PRKACB: variants seen among roughly 807,000 people sequenced by gnomAD.
PRKACB encodes the protein cAMP-dependent protein kinase catalytic subunit beta.
In PRKACB, 16 loss-of-function variants were observed where a neutral mutation model predicts 51.4. The ratio of observed to expected loss-of-function variants is 0.31; its 90% CI spans 0.21 to 0.47. The LOEUF (loss-of-function observed/expected upper bound fraction) is 0.47. Ranked by LOEUF, PRKACB falls within the 20% of genes least tolerant of loss-of-function variation. The probability of loss-of-function intolerance (pLI) is 1.00; values close to 1 mark genes in which losing one functional copy is unlikely to be tolerated. For synonymous variants in PRKACB, 147 were observed against 154.4 expected (o/e 0.95, Z 0.35); for missense variants, 309 against 464.5 (o/e 0.67, Z 3.08).
At chr1:84,137,352 C>T (rs1191255579) in intron 1 of PRKACB, among the ~76,000 whole-genome samples, 1 of 152,082 alleles carries the variant, frequency 6.6e-6, no homozygotes, top group Non-Finnish European at 1.5e-5. Flanking sequence ...AAAGGCAAAA[C>T]TCACCAGTGG....
chr1:84,210,747 T>C (rs1010924670), intron 8 of PRKACB, among the ~76,000 whole-genome samples: 2 of 152,170 alleles, frequency 1.3e-5, no homozygotes, highest in African/African-American at 4.8e-5. Flanking sequence ...TGTCTCCAGG[T>C]TGATGTATTA....
rs375945713 is a variant in PRKACB, at chr1:84,160,663, A to G, written c.187+16115A>G. ...TTAAAGCTATGAATTTTTTTTCTAA[A>G]CCTGCTTTATCTACCTCCAATAAAT... is the stretch of plus-strand genomic sequence containing the variant. On this transcript the variant is annotated intron_variant, in intron 1 of 9. Coordinates refer to ENST00000370685, the MANE Select transcript of PRKACB (RefSeq NM_182948.4). Among the ~76,000 whole-genome samples, 87 of 150,088 alleles carry G rather than the reference A, an allele frequency of 5.8e-4. 1 individual carries two copies. The South Asian group carries it at 0.018, about 31-fold the overall frequency.
chr1:84,154,016 G>A (rs1055930898), intron 1 of PRKACB, among the ~76,000 whole-genome samples: 1 of 151,964 alleles, frequency 6.6e-6, no homozygotes, highest in Non-Finnish European at 1.5e-5. Context: ...TTTTCTCCAG[G>A]TCTTAACCAG....
At chr1:84,107,068 G>C (rs989671269) in intron 1 of PRKACB, among the ~76,000 whole-genome samples, 2 of 151,960 alleles carry the variant, frequency 1.3e-5, no homozygotes, top group African/African-American at 4.8e-5. Flanking sequence ...AAAATAATCT[G>C]TACACCACAC....
intron 1 of PRKACB, among the ~76,000 whole-genome samples, chr1:84,107,003 A>G (rs970841981): frequency 6.6e-6 from 1 of 152,036 alleles, no homozygotes; most frequent in Admixed American, 6.6e-5. Flanking sequence ...AGGAAAACAA[A>G]TGAACAAACA....
At chr1:84,173,409 A>C in intron 1 of PRKACB, 1 of 1,350,516 alleles carries the variant, frequency 7.4e-7, no homozygotes, top group Admixed American at 2.1e-5. Flanking sequence ...TCGTAAGCTA[A>C]ATTTTTATGA....
chr1:84,104,945 G>C (rs1649615967), intron 1 of PRKACB, among the ~76,000 whole-genome samples: 1 of 152,052 alleles, frequency 6.6e-6, no homozygotes, highest in Admixed American at 6.6e-5. Context: ...CTTAATTCTA[G>C]AGTAATTATA....
chr1:84,169,891 A>G (rs369944985), intron 1 of PRKACB, among the ~76,000 whole-genome samples: 96 of 151,772 alleles, frequency 6.3e-4, no homozygotes, highest in African/African-American at 2.2e-3. Flanking sequence ...CTTACAATCT[A>G]ACATGAAGCT....
chr1:84,186,225 G>A (rs910935243), intron 5 of PRKACB, among the ~76,000 whole-genome samples: 1 of 5,624 alleles, frequency 1.8e-4, no homozygotes, highest in Non-Finnish European at 2.2e-3. Context: ...GTTTGTTTTT[G>A]GTTTTTTTTT....
At chr1:84,159,896 T>C (rs1655975112) in intron 1 of PRKACB, among the ~76,000 whole-genome samples, 1 of 152,174 alleles carries the variant, frequency 6.6e-6, no homozygotes, top group African/African-American at 2.4e-5. Flanking sequence ...ATTTTCAATG[T>C]TGAACCAACC....
intron 5 of PRKACB, among the ~76,000 whole-genome samples, chr1:84,187,635 G>A (rs750300135): frequency 7.9e-5 from 12 of 152,094 alleles, no homozygotes; most frequent in South Asian, 2.1e-4. Flanking sequence ...AAGAAAGTTC[G>A]ATTGGAGGAA....
At chr1:84,165,390 T>G (rs1657076540) in intron 1 of PRKACB, among the ~76,000 whole-genome samples, 1 of 151,820 alleles carries the variant, frequency 6.6e-6, no homozygotes, top group Admixed American at 6.6e-5. Flanking sequence ...GCTTTGTCAT[T>G]CCTAATGCTA....
At chr1:84,097,078 C>G (rs903443236) in intron 1 of PRKACB, among the ~76,000 whole-genome samples, 53 of 152,090 alleles carry the variant, frequency 3.5e-4, no homozygotes, top group African/African-American at 1.3e-3. Context: ...GGGTTCTTTA[C>G]TTTTTGTTAA....
At chr1:84,180,044 A>G (rs1325679537) in intron 2 of PRKACB, among the ~76,000 whole-genome samples, 1 of 136,048 alleles carries the variant, frequency 7.4e-6, no homozygotes, top group East Asian at 2.1e-4. Context: ...GAACATAAAG[A>G]CCAAAAAAAA....
At chr1:84,181,668 A>G (rs528822231) in intron 2 of PRKACB, 5 of 1,508,480 alleles carry the variant, frequency 3.3e-6, no homozygotes, top group Middle Eastern at 1.7e-4. Flanking sequence ...TCATGCTGCT[A>G]CTATCTAGTT....
chr1:84,083,537 G>A (rs1304206045), intron 1 of PRKACB, among the ~76,000 whole-genome samples: 1 of 152,218 alleles, frequency 6.6e-6, no homozygotes, highest in African/African-American at 2.4e-5. Context: ...GAAGCAGCAC[G>A]TGAGAAGGTC....
At chr1:84,119,337 T>C (rs1362224361) in intron 1 of PRKACB, among the ~76,000 whole-genome samples, 3 of 152,160 alleles carry the variant, frequency 2.0e-5, no homozygotes, top group Non-Finnish European at 2.9e-5. Context: ...ATATATTTTA[T>C]AGCTTTCCAA....
intron 1 of PRKACB, among the ~76,000 whole-genome samples, chr1:84,090,575 T>G (rs1432562876): frequency 6.6e-6 from 1 of 152,182 alleles, no homozygotes; most frequent in Non-Finnish European, 1.5e-5. Flanking sequence ...CATGTTTCCC[T>G]GTTGATGCTG....
chr1:84,100,212 G>C (rs992002003), intron 1 of PRKACB, among the ~76,000 whole-genome samples: 3 of 152,128 alleles, frequency 2.0e-5, no homozygotes, highest in African/African-American at 7.2e-5. Context: ...AAAACTGTCA[G>C]ATCTCGTGAG....
Sources: allele counts gnomAD v4.1 joint callset (sites outside exome capture counted in the v4.1 genomes callset), GRCh38; gene constraint gnomAD v4.1.1; transcripts MANE v1.5; gene names NCBI Gene and HGNC (gene_info 2026-07-23, HGNC 2026-07-21).